Variants in FILIP1L observed in about 807,000 individuals in gnomAD.
FILIP1L encodes filamin A interacting protein 1 like.
In FILIP1L, 55 loss-of-function variants were observed where a neutral mutation model predicts 96.6. The observed-to-expected ratio is 0.57, with a 90% CI of 0.46 to 0.71. The LOEUF (loss-of-function observed/expected upper bound fraction) is 0.71, where lower values mean the gene tolerates loss of function less well. FILIP1L is among the 30% of genes least tolerant of loss of function. The pLI is 0.00. For synonymous variants in FILIP1L, 467 were observed against 473.9 expected (o/e 0.99, Z 0.19); for missense variants, 1,304 against 1,321.2 (o/e 0.99, Z 0.20).
chr3:99,882,934 C>G (rs1462791765), intron 4 of FILIP1L, among the ~76,000 whole-genome samples: 2 of 152,170 alleles, frequency 1.3e-5, no homozygotes, highest in Non-Finnish European at 2.9e-5. Flanking sequence ...TGTCAAAACC[C>G]TAATGGAGAT....
chr3:99,832,866 T>G (rs1275914119), intron 5 of FILIP1L, among the ~76,000 whole-genome samples: 1 of 149,756 alleles, frequency 6.7e-6, no homozygotes, highest in Non-Finnish European at 1.5e-5. Flanking sequence ...AAGTTGTTTT[T>G]TTTTTTTTTC....
At chr3:100,093,916 A>G (rs1251893612) in intron 1 of FILIP1L, among the ~76,000 whole-genome samples, 1 of 152,214 alleles carries the variant, frequency 6.6e-6, no homozygotes, top group Non-Finnish European at 1.5e-5. Flanking sequence ...TAAAACCACC[A>G]TAAAGATTTG....
intron 1 of FILIP1L, among the ~76,000 whole-genome samples, chr3:100,010,506 C>G (rs1710113254): frequency 6.6e-6 from 1 of 152,094 alleles, no homozygotes; most frequent in African/African-American, 2.4e-5. Context: ...GAGAATCCAA[C>G]TAAGAGCAGT....
At chr3:99,896,365 G>C (rs549480753) in intron 4 of FILIP1L, among the ~76,000 whole-genome samples, 9 of 152,176 alleles carry the variant, frequency 5.9e-5, no homozygotes, top group African/African-American at 2.2e-4. Context: ...TCTAGAGAGA[G>C]GCTGTTTCAT....
At chr3:100,089,905 G>A (rs979753158) in intron 1 of FILIP1L, among the ~76,000 whole-genome samples, 1 of 152,192 alleles carries the variant, frequency 6.6e-6, no homozygotes, top group Non-Finnish European at 1.5e-5. Context: ...GCTGTGAACT[G>A]TAGGAATTGA....
At chr3:99,883,038 TATA>T (rs1266906727) in intron 4 of FILIP1L, among the ~76,000 whole-genome samples, 2 of 152,128 alleles carry the variant, frequency 1.3e-5, no homozygotes, top group Admixed American at 6.5e-5. Context: ...GAAATTCTAT[TATA>T]ATTTATGTCA....
intron 4 of FILIP1L, among the ~76,000 whole-genome samples, chr3:99,867,491 CAAAG>C (rs1356760575): frequency 1.3e-5 from 2 of 152,134 alleles, no homozygotes; most frequent in Admixed American, 6.5e-5. Context: ...CAGCTAAAAA[CAAAG>C]AAAGCAGAAC....
At chr3:100,013,111 A>C (rs1464875414) in intron 1 of FILIP1L, among the ~76,000 whole-genome samples, 2 of 152,088 alleles carry the variant, frequency 1.3e-5, no homozygotes, top group African/African-American at 2.4e-5. Context: ...TCCTGGGCTC[A>C]AGCAGTCCAC....
At chr3:99,881,250 A>G (rs115744522) in intron 4 of FILIP1L, among the ~76,000 whole-genome samples, 1,645 of 152,300 alleles carry the variant, frequency 0.011, 27 homozygotes, top group African/African-American at 0.037. Flanking sequence ...AGATTATTAA[A>G]TGGGAAGCAG....
chr3:99,835,591 T>C lies in FILIP1L; in HGVS notation c.3382-4986A>G, dbSNP rs574815163. On this transcript the variant is annotated intron_variant, in intron 5 of 5. Coordinates refer to ENST00000477258, the MANE Select transcript of FILIP1L (RefSeq NM_001387850.1). The stretch of plus-strand genomic sequence containing the variant: ...CTGTTAGGATGCAGAATCCCTGCAG[T>C]GGGAATTAATAGGTCTGGGAATGTG... Among the ~76,000 whole-genome samples, 17 of 152,294 alleles carry C rather than the reference T, an allele frequency of 1.1e-4. No individual in the cohort carries two copies. The South Asian group carries it at 3.5e-3, about 32-fold the overall frequency.
chr3:99,885,713 T>C (rs17338443), intron 4 of FILIP1L, among the ~76,000 whole-genome samples: 4,298 of 152,310 alleles, frequency 0.028, 75 homozygotes, highest in Non-Finnish European at 0.045. Flanking sequence ...GTTGAAACTT[T>C]GTGGAACAGA....
intron 4 of FILIP1L, among the ~76,000 whole-genome samples, chr3:99,880,556 G>A (rs1375809947): frequency 1.3e-5 from 2 of 152,100 alleles, no homozygotes. Flanking sequence ...TATGTACCTT[G>A]AGAAGTGATT....
chr3:99,946,818 T>G (rs1242191513), intron 1 of FILIP1L, among the ~76,000 whole-genome samples: 1 of 152,204 alleles, frequency 6.6e-6, no homozygotes, highest in Non-Finnish European at 1.5e-5. Context: ...AGTGATTTGC[T>G]GGCTCTATAC....
At chr3:100,005,368 G>GA (rs1709958822) in intron 1 of FILIP1L, among the ~76,000 whole-genome samples, 1 of 152,162 alleles carries the variant, frequency 6.6e-6, no homozygotes, top group South Asian at 2.1e-4. Flanking sequence ...ATTAGGATGG[G>GA]ATCTCAGAGT....
Position 99,971,682 on chromosome 3 carries a change from A to G in FILIP1L, c.-10-40652T>C, listed in dbSNP as rs892222901. ...CTGTGGCTTTAGACCTGCTTTCATC[A>G]GGACCTCACACTGTGGACTCACAGG... On this transcript the variant is annotated intron_variant, in intron 1 of 5. Coordinates refer to ENST00000477258, the MANE Select transcript of FILIP1L (RefSeq NM_001387850.1). 5.3e-5 allele frequency among the ~76,000 whole-genome samples: 8 copies of G among 152,302 alleles called. No individual in the cohort carries two copies. In the East Asian group the frequency reaches 1.5e-3, roughly 29 times the overall value.
At chr3:99,855,745 G>C (rs1370685791) in intron 4 of FILIP1L, among the ~76,000 whole-genome samples, 3 of 152,078 alleles carry the variant, frequency 2.0e-5, no homozygotes, top group African/African-American at 7.2e-5. Context: ...TTAAATGTTT[G>C]TTCTTATATC....
In FILIP1L at chr3:99,924,321, T is replaced by C. The variant is rs1232222076; in HGVS notation, c.514A>G (p.Ile172Val). The part of the protein sequence containing the change: ...LVAEKSRRQT[I>V]LELEEEKRKH... The stretch of plus-strand genomic sequence containing the variant: ...CTCTTTTCTTCCTCCAACTCCAATA[T>C]GGTTTGCCTACGGGATTTTTCTGCC... The change falls in exon 4 of 6, where the codon ATA (isoleucine) becomes GTA (valine). Residue 172 changes from isoleucine (I) to valine (V), a missense_variant. By Grantham distance (29) the Ile-to-Val change is conservative. Transcript: ENST00000477258. 6.2e-7 allele frequency: 1 copy of C among 1,613,902 alleles called. No homozygotes were observed. Among genetic ancestry groups the C allele is most frequent in the Non-Finnish European group, 8.5e-7 (1 of 1,179,926 alleles).
chr3:100,045,300 A>G (rs551009274), intron 1 of FILIP1L, among the ~76,000 whole-genome samples: 5 of 152,380 alleles, frequency 3.3e-5, no homozygotes, highest in East Asian at 1.9e-4. Context: ...AGCACTCAAT[A>G]TATGGTAATT....
intron 1 of FILIP1L, among the ~76,000 whole-genome samples, chr3:99,976,045 C>G (rs1447561996): frequency 1.3e-5 from 2 of 152,086 alleles, no homozygotes; most frequent in Non-Finnish European, 2.9e-5. Flanking sequence ...CCACTATGCC[C>G]AGCTAATTTT....
Sources: gnomAD v4.1 joint callset for allele counts (sites outside exome capture counted in the v4.1 genomes callset) on GRCh38, gnomAD v4.1.1 for gene constraint, MANE v1.5 for transcripts, NCBI Gene and HGNC (gene_info 2026-07-23, HGNC 2026-07-21) for gene names.